Variants in NDUFAF6 observed in about 807,000 individuals in gnomAD.
NDUFAF6 encodes NADH dehydrogenase (ubiquinone) complex I, assembly factor 6.
A neutral mutation model predicts 40.8 loss-of-function variants in NDUFAF6; 45 were observed. The observed-to-expected ratio is 1.10, with a 90% CI of 0.87 to 1.42. The LOEUF is 1.42. Among genes scored for constraint, NDUFAF6 ranks in the 40% most tolerant of loss-of-function variants. NDUFAF6 has a pLI of 0.00. For missense variants in NDUFAF6, 435 were observed against 418.5 expected (o/e 1.04, Z -0.34); for synonymous variants, 185 against 155.9 (o/e 1.19, Z -1.39).
chr8:95,007,667 T>G (rs922451090), intron 2 of NDUFAF6, among the ~76,000 whole-genome samples: 8 of 149,722 alleles, frequency 5.3e-5, no homozygotes, highest in Admixed American at 4.0e-4. Context: ...CTGTTTTTTT[T>G]TTTTTTTTTT....
chr8:94,993,324 T>C (rs1288115909), intron 2 of NDUFAF6, among the ~76,000 whole-genome samples: 4 of 152,212 alleles, frequency 2.6e-5, no homozygotes, highest in Admixed American at 6.5e-5. Context: ...CTTCAACATA[T>C]GTGTTGGGAG....
At chr8:94,972,727 C>T (rs61591488) in intron 1 of NDUFAF6, among the ~76,000 whole-genome samples, 18,968 of 67,570 alleles carry the variant, frequency 0.28, 1,586 homozygotes, top group Middle Eastern at 0.46. Context: ...CCTGTCTCTA[C>T]TGAAACTTAA....
chr8:94,934,320 C>G (rs780473145), intron 1 of NDUFAF6, among the ~76,000 whole-genome samples: 1 of 152,082 alleles, frequency 6.6e-6, no homozygotes, highest in Non-Finnish European at 1.5e-5. Flanking sequence ...TGACTACACA[C>G]ACACACAACA....
At chr8:95,038,644 A>G (rs1256861065) in intron 3 of NDUFAF6, among the ~76,000 whole-genome samples, 2 of 151,434 alleles carry the variant, frequency 1.3e-5, no homozygotes, top group Non-Finnish European at 2.9e-5. Flanking sequence ...GAATTGTTTG[A>G]TTCAGTCTTT....
At chr8:95,097,817 C>T (rs775663919), upstream of NDUFAF6, among the ~76,000 whole-genome samples, 17 of 152,230 alleles carry the variant, frequency 1.1e-4, no homozygotes, top group Non-Finnish European at 2.4e-4. Context: ...GACCTAACTT[C>T]TAAAATGCAA....
At chr8:94,977,614 C>T (rs1364552176) in intron 1 of NDUFAF6, among the ~76,000 whole-genome samples, 1 of 151,840 alleles carries the variant, frequency 6.6e-6, no homozygotes, top group Non-Finnish European at 1.5e-5. Context: ...CTCTCTCTCT[C>T]TCTCTCCTTG....
At chr8:95,095,908 G>A (rs1432355805), upstream of NDUFAF6, among the ~76,000 whole-genome samples, 3 of 152,228 alleles carry the variant, frequency 2.0e-5, no homozygotes, top group African/African-American at 4.8e-5. Context: ...CAAGCGATCC[G>A]CCTGTCTCGG....
At chr8:95,048,633 A>G in intron 7 of NDUFAF6, 75 bp downstream of exon 7, 3 of 1,024,950 alleles carry the variant, frequency 2.9e-6, no homozygotes, top group Non-Finnish European at 4.6e-6. Context: ...GAACATGGTT[A>G]TGATATTCCC....
At chr8:94,982,649 T>A (rs1825540153) in intron 2 of NDUFAF6, among the ~76,000 whole-genome samples, 1 of 152,256 alleles carries the variant, frequency 6.6e-6, no homozygotes, top group Non-Finnish European at 1.5e-5. Context: ...GCACTGATTA[T>A]GAGGCAGGCA....
chr8:95,116,426 C>T (rs1254643950), exon 6 of NDUFAF6: 3 of 152,124 alleles, frequency 2.0e-5, no homozygotes, highest in Admixed American at 6.5e-5. Flanking sequence ...GATCATGGCT[C>T]ACTGCAGCCT....
At chr8:95,116,473 C>G (rs1441853387), downstream of NDUFAF6, 1 of 152,018 alleles carries the variant, frequency 6.6e-6, no homozygotes, top group South Asian at 2.1e-4. Flanking sequence ...CCACCTCAGC[C>G]CCCCAAGTAG....
chr8:94,913,913 T>A (rs1818949175), intron 1 of NDUFAF6, among the ~76,000 whole-genome samples: 1 of 152,132 alleles, frequency 6.6e-6, no homozygotes, highest in Non-Finnish European at 1.5e-5. Context: ...TGCCTCAGCC[T>A]CCTGAGTAGC....
intron 2 of NDUFAF6, among the ~76,000 whole-genome samples, chr8:94,996,240 A>T (rs552948088): frequency 6.6e-6 from 1 of 152,278 alleles, no homozygotes; most frequent in Admixed American, 6.5e-5. Flanking sequence ...GTACAATGAA[A>T]CAAATGCCAC....
intron 4 of NDUFAF6, among the ~76,000 whole-genome samples, chr8:95,109,599 G>C (rs5010827): frequency 1.4e-5 from 2 of 140,058 alleles, no homozygotes; most frequent in African/African-American, 2.8e-5. Context: ...GAGAGAGAGA[G>C]AGAGAGAGAG....
chr8:95,043,783 G>T (rs926567318), intron 4 of NDUFAF6, among the ~76,000 whole-genome samples: 7 of 152,210 alleles, frequency 4.6e-5, no homozygotes, highest in Non-Finnish European at 8.8e-5. Context: ...TACATTGCTG[G>T]TGGGAATGTG....
intron 1 of NDUFAF6, among the ~76,000 whole-genome samples, chr8:94,941,628 T>C (rs1201891218): frequency 6.6e-6 from 1 of 152,226 alleles, no homozygotes; most frequent in East Asian, 1.9e-4. Context: ...ACAGCTGGCA[T>C]GAAGAAATTT....
intron 1 of NDUFAF6, among the ~76,000 whole-genome samples, chr8:94,902,953 C>T (rs1384909767): frequency 6.6e-6 from 1 of 152,116 alleles, no homozygotes; most frequent in Non-Finnish European, 1.5e-5. Context: ...ATCCACCTGC[C>T]TCGGCCTCAA....
intron 1 of NDUFAF6, among the ~76,000 whole-genome samples, chr8:94,921,945 ATC>A (rs1184037841): frequency 6.6e-6 from 1 of 152,248 alleles, no homozygotes; most frequent in Non-Finnish European, 1.5e-5. Flanking sequence ...CTCAGGCTCT[ATC>A]CTGGATTTAC....
Position 95,058,423 on chromosome 8 carries a change from A to G in NDUFAF6, c.*486A>G. ...AATTAATATTTGAGGAATATCAGTCACGTGTTGTGGGCTTTTATCCTTAAC... is the reference window on the plus strand; with the variant it reads ...AATTAATATTTGAGGAATATCAGTCGCGTGTTGTGGGCTTTTATCCTTAAC... On this transcript the variant is annotated 3_prime_UTR_variant, in exon 9 of 9. Transcript: ENST00000396124. 1 of 1,232,520 alleles carries G rather than the reference A, an allele frequency of 8.1e-7. No individual in the cohort carries two copies. Among genetic ancestry groups the G allele is most frequent in the Non-Finnish European group, 1.0e-6 (1 of 988,516 alleles). 76.3% of individuals were successfully genotyped at this position (1,232,520 alleles called of 1,614,324 possible).
Sources: gnomAD v4.1 joint callset for allele counts (sites outside exome capture counted in the v4.1 genomes callset) on GRCh38, gnomAD v4.1.1 for gene constraint, MANE v1.5 for transcripts, NCBI Gene and HGNC (gene_info 2026-07-23, HGNC 2026-07-21) for gene names.